The following NEBL variants were observed in gnomAD, a reference collection of about 807,000 sequenced individuals.
The protein encoded by NEBL is LIM and SH3 protein 2.
Under a neutral mutation model 140.2 loss-of-function variants are expected in NEBL, and 122 were observed. That is an observed-to-expected ratio of 0.87 (90% confidence interval 0.75 to 1.01). The LOEUF (loss-of-function observed/expected upper bound fraction) is 1.01. Ranked by LOEUF, NEBL falls within the 50% of genes least tolerant of loss-of-function variation. The pLI is 0.00. For missense variants in NEBL, 1,365 were observed against 1,231.3 expected, an observed-to-expected ratio of 1.11 and a Z score of -1.62; for synonymous variants, 436 against 398.9, an observed-to-expected ratio of 1.09 and a Z score of -1.11.
At chr10:21,213,700 A>C (rs1465971519) in intron 3 of NEBL, among the ~76,000 whole-genome samples, 1 of 152,128 alleles carries the variant, frequency 6.6e-6, no homozygotes, top group Non-Finnish European at 1.5e-5. Context: ...ATAGAGAAAA[A>C]CCTTAGAAAT....
intron 2 of NEBL, among the ~76,000 whole-genome samples, chr10:21,040,014 T>C (rs956461074): frequency 3.3e-5 from 5 of 152,192 alleles, no homozygotes; most frequent in Non-Finnish European, 5.9e-5. Flanking sequence ...ATTTTTGAAA[T>C]ACCAACTGTT....
rs1416501827 is a variant in NEBL at position 20,782,164 on chromosome 10, G to C, written c.*3583C>G. ...TCAGCTAACACCTTTAATATCTGAG[G>C]AGCATCCCACTTCCCTACCACAAAA... On this transcript the variant is annotated 3_prime_UTR_variant, in exon 28 of 28. Coordinates refer to ENST00000377122, the MANE Select transcript of NEBL (RefSeq NM_006393.3). 1 of 152,344 alleles carries C rather than the reference G, an allele frequency of 6.6e-6. No individual in the cohort carries two copies. The highest frequency in any genetic ancestry group is 1.9e-4 in the East Asian group (1 of 5,178). 9.4% of individuals were successfully genotyped at this position (152,344 alleles called of 1,614,324 possible).
chr10:20,813,743 C>T, intron 23 of NEBL, 196 bp downstream of exon 23: 1 of 577,424 alleles, frequency 1.7e-6, no homozygotes, highest in Non-Finnish European at 3.1e-6. Flanking sequence ...GAAAAAGTCA[C>T]TGAGAAAAAT....
At chr10:21,204,441 T>C (rs1169867868) in intron 3 of NEBL, among the ~76,000 whole-genome samples, 6 of 150,652 alleles carry the variant, frequency 4.0e-5, no homozygotes, top group African/African-American at 1.5e-4. Context: ...CTCTCTTTCT[T>C]TCTCTCTCTC....
chr10:21,090,084 A>G (rs1226471460), intron 2 of NEBL, among the ~76,000 whole-genome samples: 1 of 152,192 alleles, frequency 6.6e-6, no homozygotes. Flanking sequence ...GGCCAAAGGC[A>G]TCTTCCAGGT....
At chr10:20,999,857 T>C (rs1837817911) in intron 3 of NEBL, among the ~76,000 whole-genome samples, 1 of 152,066 alleles carries the variant, frequency 6.6e-6, no homozygotes. Flanking sequence ...TAATAATCTA[T>C]ACTCTAATTC....
intron 14 of NEBL, among the ~76,000 whole-genome samples, chr10:20,833,612 G>C (rs1047794039): frequency 6.6e-6 from 1 of 152,056 alleles, no homozygotes; most frequent in Non-Finnish European, 1.5e-5. Flanking sequence ...TGTGAGGAGA[G>C]TAACAAAATT....
chr10:21,105,665 G>T (rs1288579190), intron 2 of NEBL, among the ~76,000 whole-genome samples: 1 of 152,144 alleles, frequency 6.6e-6, no homozygotes, highest in Non-Finnish European at 1.5e-5. Flanking sequence ...ATGTGTCTTT[G>T]TAGTAGCATG....
chr10:20,870,129 C>G (rs866211098), intron 5 of NEBL, among the ~76,000 whole-genome samples: 8 of 151,840 alleles, frequency 5.3e-5, no homozygotes, highest in African/African-American at 1.9e-4. Context: ...GAGTTCGAGA[C>G]CAGCCTGGCC....
At chr10:21,124,395 C>T (rs1036688470) in intron 2 of NEBL, among the ~76,000 whole-genome samples, 3 of 152,186 alleles carry the variant, frequency 2.0e-5, no homozygotes, top group Non-Finnish European at 4.4e-5. Flanking sequence ...TCTTCTCCTC[C>T]ACTTGCTGAA....
intron 4 of NEBL, among the ~76,000 whole-genome samples, chr10:20,936,642 G>A (rs1834503353): frequency 6.6e-6 from 1 of 152,190 alleles, no homozygotes; most frequent in Non-Finnish European, 1.5e-5. Context: ...AAAGCAGAAG[G>A]CCAGCTGCCT....
At position 20,858,348 on chromosome 10, in the gene NEBL, T is replaced by C. The variant is rs773699320; in HGVS notation, c.799-4A>G. ...GAATGTCTTTCTTGTACTTCACCTA[T>C]GAAAATAACATGGAACAAAATACCA... On this transcript the variant is annotated splice_polypyrimidine_tract_variant and splice_region_variant and intron_variant, in intron 8 of 27. Transcript: ENST00000377122. 4 of 1,571,936 alleles carry C rather than the reference T, an allele frequency of 2.5e-6. No homozygotes were observed. Among genetic ancestry groups the C allele is most frequent in the East Asian group, 4.5e-5 (2 of 44,638 alleles).
chr10:20,868,871 T>C, intron 6 of NEBL, 106 bp from the exon 7 acceptor site: 1 of 780,004 alleles, frequency 1.3e-6, no homozygotes, highest in Non-Finnish European at 2.2e-6. Flanking sequence ...ATCTCATTAA[T>C]ATTCCTTACA....
intron 2 of NEBL, among the ~76,000 whole-genome samples, chr10:21,053,619 A>G (rs1277470927): frequency 1.3e-5 from 2 of 152,218 alleles, no homozygotes; most frequent in Non-Finnish European, 2.9e-5. Flanking sequence ...CCTTATTATA[A>G]TAATCCCCAA....
At position 20,869,762 on chromosome 10, in the gene NEBL, T is replaced by G; in HGVS notation, c.560A>C (p.Gln187Pro). The G allele has an allele frequency of 1.2e-6, 2 of 1,611,480 alleles. No individual in the cohort carries two copies. Among genetic ancestry groups the G allele is most frequent in the Non-Finnish European group, 1.7e-6 (2 of 1,177,606 alleles). The change falls in exon 6 of 28, where the codon CAG (glutamine) becomes CCG (proline). Residue 187 changes from glutamine to proline, a missense_variant. By Grantham distance (76) the Gln-to-Pro change is moderately conservative (BLOSUM62 -1). Transcript: ENST00000377122. ...LDRPDIKMAT[Q>P]ISKIISNAEY... ...TACATTGCTTATGATCTTAGAGATC[T>G]GGGTTGCCATCTTGATGTCTGGTCG...
At chr10:21,129,537 A>C (rs796411930) in intron 2 of NEBL, among the ~76,000 whole-genome samples, 1 of 152,038 alleles carries the variant, frequency 6.6e-6, no homozygotes, top group South Asian at 2.1e-4. Flanking sequence ...ATCTATGTAC[A>C]GGCACACTCA....
intron 26 of NEBL, among the ~76,000 whole-genome samples, chr10:20,805,348 C>T (rs72785564): frequency 0.23 from 34,404 of 152,076 alleles, 4,717 homozygotes; most frequent in East Asian, 0.41. Flanking sequence ...TTAGCATATT[C>T]CAATGTATCC....
At chr10:21,126,814 A>C (rs1445432831) in intron 2 of NEBL, among the ~76,000 whole-genome samples, 1 of 151,926 alleles carries the variant, frequency 6.6e-6, no homozygotes. Context: ...CTCCACTAAA[A>C]ACAAAAGAAA....
At chr10:20,897,562 C>A, upstream of NEBL, 2 of 1,049,482 alleles carry the variant, frequency 1.9e-6, no homozygotes, top group Non-Finnish European at 2.3e-6. Flanking sequence ...ATAAAAAGGA[C>A]TTAGAGATTC....
Sources: allele counts gnomAD v4.1 joint callset (sites outside exome capture counted in the v4.1 genomes callset), GRCh38; gene constraint gnomAD v4.1.1; transcripts MANE v1.5; gene names NCBI Gene and HGNC (gene_info 2026-07-23, HGNC 2026-07-21).